Variants in DLGAP4 observed in about 807,000 individuals in gnomAD.
DLGAP4 encodes the protein disks large-associated protein 4.
DLGAP4 carries 18 observed loss-of-function variants against 86.9 expected under a neutral mutation model. The ratio of observed to expected loss-of-function variants is 0.21; its 90% CI spans 0.14 to 0.31. The LOEUF is 0.31. Among genes scored for constraint, DLGAP4 ranks in the 10% least tolerant of loss-of-function variants. The pLI is 1.00. For missense variants in DLGAP4, 1,085 were observed against 1,362.6 expected, an observed-to-expected ratio of 0.80 and a Z score of 3.21; for synonymous variants, 548 against 574.3, an observed-to-expected ratio of 0.95 and a Z score of 0.65.
chr20:36,381,122 A>G (rs1439683220), intron 2 of DLGAP4, among the ~76,000 whole-genome samples: 1 of 152,266 alleles, frequency 6.6e-6, no homozygotes, highest in Non-Finnish European at 1.5e-5. Context: ...ACCTTTCAAT[A>G]AATGGTGGCT....
intron 2 of DLGAP4, among the ~76,000 whole-genome samples, chr20:36,401,492 C>T (rs2032159535): frequency 6.6e-6 from 1 of 152,218 alleles, no homozygotes; most frequent in Admixed American, 6.5e-5. Flanking sequence ...GGCTGTGTGT[C>T]CTCACCTGCG....
At chr20:36,380,080 G>T (rs1015983330) in intron 2 of DLGAP4, among the ~76,000 whole-genome samples, 1 of 151,944 alleles carries the variant, frequency 6.6e-6, no homozygotes, top group African/African-American at 2.4e-5. Context: ...CTGCTCAGGG[G>T]ACTGTGGTGT....
intron 2 of DLGAP4, among the ~76,000 whole-genome samples, chr20:36,401,551 T>A (rs780395894): frequency 4.6e-5 from 7 of 152,226 alleles, no homozygotes; most frequent in African/African-American, 1.7e-4. Context: ...AGTGCCCTAG[T>A]GCTGAGCAAG....
At chr20:36,364,423 C>T (rs2030617755) in intron 1 of DLGAP4, among the ~76,000 whole-genome samples, 2 of 152,198 alleles carry the variant, frequency 1.3e-5, no homozygotes, top group African/African-American at 4.8e-5. Flanking sequence ...ACATACCATA[C>T]AACTCACCCA....
intron 7 of DLGAP4, among the ~76,000 whole-genome samples, chr20:36,453,934 C>CAAAAAAAAAAAAAAAAAAAAAA (rs1194294335): frequency 2.3e-5 from 1 of 42,692 alleles, no homozygotes. Flanking sequence ...ACTCTGTCTC[C>CAAAAAAAAAAAAAAAAAAAAAA]AAAAAAAAAA....
intron 1 of DLGAP4, among the ~76,000 whole-genome samples, chr20:36,365,105 AAAG>A (rs1170990713): frequency 9.2e-5 from 14 of 152,290 alleles, no homozygotes; most frequent in South Asian, 8.3e-4. Context: ...AAAAAATAAA[AAAG>A]AAGAAGAAGA....
chr20:36,384,000 A>AT (rs1375985409), intron 2 of DLGAP4, among the ~76,000 whole-genome samples: 1 of 150,768 alleles, frequency 6.6e-6, no homozygotes, highest in Non-Finnish European at 1.5e-5. Flanking sequence ...AAAAAAAAAA[A>AT]GAAAGAAAAA....
rs571409869 is a variant in DLGAP4, at chr20:36,385,437, G to A, written c.-73+18162G>A. 3.9e-5 allele frequency among the ~76,000 whole-genome samples: 6 copies of A among 152,248 alleles called. No homozygotes were observed. The East Asian group carries it at 9.6e-4, about 24-fold the overall frequency. On this transcript the variant is annotated intron_variant, in intron 2 of 12. Coordinates refer to ENST00000339266, the MANE Select transcript of DLGAP4 (RefSeq NM_001365621.2). ...TAGTAGAAATAAGACCCAGAGGAGGGAAAGACTGCCCCCTACACACACCCC... is the reference window on the plus strand; with the variant it reads ...TAGTAGAAATAAGACCCAGAGGAGGAAAAGACTGCCCCCTACACACACCCC...
At chr20:36,472,790 G>A (rs1009989432) in intron 7 of DLGAP4, among the ~76,000 whole-genome samples, 2 of 152,222 alleles carry the variant, frequency 1.3e-5, no homozygotes, top group African/African-American at 4.8e-5. Context: ...CCCAGCCCAG[G>A]CTGAGGGGAC....
intron 1 of DLGAP4, among the ~76,000 whole-genome samples, chr20:36,323,010 A>G (rs1555890702): frequency 6.6e-6 from 1 of 151,564 alleles, no homozygotes; most frequent in Non-Finnish European, 1.5e-5. Flanking sequence ...CCCCATCTCT[A>G]CAAAAGATAC....
At position 36,432,581 on chromosome 20, in the gene DLGAP4, C is replaced by T. The variant is rs368571845; in HGVS notation, c.864C>T (p.Tyr288=). 2.5e-5 allele frequency: 40 copies of T among 1,605,444 alleles called. No individual in the cohort carries two copies. Among genetic ancestry groups the T allele is most frequent in the Admixed American group, 1.3e-4 (8 of 59,404 alleles). ...PSLGVGTDTN[Y]VKRGSWSTLT... is the part of the protein sequence containing the mutation. ...TTGGGGTGGGCACTGACACCAACTA[C>T]GTCAAACGGGGCTCCTGGTCCACTC... is the stretch of plus-strand genomic sequence containing the variant. The change falls in exon 3 of 13, where the codon TAC becomes TAT. Residue 288 remains tyrosine, a synonymous_variant. Transcript: ENST00000339266. This position sits in a 1 kb window ranked among gnomAD's most constrained non-coding sequence, Gnocchi z 6.5.
At chr20:36,412,144 G>A (rs569482540) in intron 2 of DLGAP4, among the ~76,000 whole-genome samples, 2 of 152,368 alleles carry the variant, frequency 1.3e-5, no homozygotes, top group South Asian at 4.1e-4. Flanking sequence ...TGAATTAAAT[G>A]TGCTGGCAAT....
chr20:36,481,680 T>C (rs1158421710), intron 7 of DLGAP4, among the ~76,000 whole-genome samples: 1 of 152,174 alleles, frequency 6.6e-6, no homozygotes, highest in African/African-American at 2.4e-5. Flanking sequence ...TGGCTTTCCC[T>C]CTGTAAATAA....
intron 1 of DLGAP4, among the ~76,000 whole-genome samples, chr20:36,360,903 G>A (rs376827684): frequency 2.0e-5 from 3 of 152,056 alleles, no homozygotes; most frequent in East Asian, 3.8e-4. Context: ...GGGGTGTGAC[G>A]GGCCAAGGGT....
At chr20:36,320,104 TCGCATTCCCCTAGGCCC>T (rs2065151710) in intron 1 of DLGAP4, among the ~76,000 whole-genome samples, 1 of 133,282 alleles carries the variant, frequency 7.5e-6, no homozygotes, top group African/African-American at 2.9e-5. Flanking sequence ...TCCCTCTGTG[TCGCATTCCCCTAGGCCC>T]CCCTCTGTGT....
chr20:36,509,597 T>A (rs1363043769), intron 10 of DLGAP4, among the ~76,000 whole-genome samples: 1 of 151,186 alleles, frequency 6.6e-6, no homozygotes, highest in Non-Finnish European at 1.5e-5. Context: ...ATAATAATAA[T>A]AAATTAGCTG....
intron 1 of DLGAP4, among the ~76,000 whole-genome samples, chr20:36,325,753 G>A (rs1555890965): frequency 2.0e-5 from 3 of 146,546 alleles, no homozygotes; most frequent in Non-Finnish European, 4.5e-5. Context: ...GTCTCGCTCT[G>A]TTGCCTGGGC....
At chr20:36,333,330 G>T (rs77102507) in intron 1 of DLGAP4, among the ~76,000 whole-genome samples, 5,861 of 151,254 alleles carry the variant, frequency 0.039, 164 homozygotes, top group Middle Eastern at 0.082. Flanking sequence ...TTAATAGAGG[G>T]TTTTTTTTTC....
intron 10 of DLGAP4, among the ~76,000 whole-genome samples, chr20:36,515,756 T>TTCCC (rs1421715035): frequency 6.6e-6 from 1 of 152,220 alleles, no homozygotes; most frequent in Admixed American, 6.6e-5. Context: ...TTCCTCTTTC[T>TTCCC]TCCCTTCTTT....
Sources: allele counts gnomAD v4.1 joint callset (sites outside exome capture counted in the v4.1 genomes callset), GRCh38; gene constraint gnomAD v4.1.1; non-coding constraint Gnocchi (gnomAD v3.1); transcripts MANE v1.5; gene names NCBI Gene and HGNC (gene_info 2026-07-23, HGNC 2026-07-21).